STARD9: variants seen among roughly 807,000 people sequenced by gnomAD.
STARD9 encodes the protein StAR related lipid transfer domain containing 9, also known as stAR-related lipid transfer protein 9.
STARD9 carries 346 observed loss-of-function variants against 399.8 expected under a neutral mutation model. That is an observed-to-expected ratio of 0.87 (90% CI 0.79 to 0.95). STARD9 has a LOEUF of 0.95. Ranked by LOEUF, STARD9 falls within the 40% of genes least tolerant of loss-of-function variation. STARD9 has a pLI of 0.00. For synonymous variants in STARD9, 2,203 were observed against 2,143.5 expected, an observed-to-expected ratio of 1.03 and a Z score of -0.77; for missense variants, 5,832 against 5,667.5, an observed-to-expected ratio of 1.03 and a Z score of -0.93.
intron 3 of STARD9, among the ~76,000 whole-genome samples, chr15:42,618,777 A>G (rs1050700476): frequency 1.3e-5 from 2 of 149,620 alleles, no homozygotes; most frequent in African/African-American, 5.1e-5. Flanking sequence ...TTGTATTTTT[A>G]TTAGAGATGG....
chr15:42,657,240 G>A (rs1248754979), intron 9 of STARD9, among the ~76,000 whole-genome samples: 3 of 151,682 alleles, frequency 2.0e-5, no homozygotes, highest in Non-Finnish European at 4.4e-5. Flanking sequence ...AGCGCTTGTA[G>A]TCCCAGCTAC....
intron 3 of STARD9, among the ~76,000 whole-genome samples, chr15:42,627,519 A>G (rs896221195): frequency 6.6e-6 from 1 of 152,166 alleles, no homozygotes; most frequent in Admixed American, 6.6e-5. Flanking sequence ...TAATCACGTT[A>G]TGCTATCAAA....
intron 7 of STARD9, among the ~76,000 whole-genome samples, 154 bp downstream of exon 7, chr15:42,638,966 C>T (rs895759950): frequency 2.6e-5 from 4 of 152,170 alleles, no homozygotes; most frequent in South Asian, 2.1e-4. Flanking sequence ...ATAGAGAAGA[C>T]GTGGTCCTGC....
At chr15:42,586,418 T>C (rs573725502) in intron 3 of STARD9, among the ~76,000 whole-genome samples, 9 of 152,262 alleles carry the variant, frequency 5.9e-5, no homozygotes, top group African/African-American at 1.9e-4. Context: ...CTCGGTCAAG[T>C]TTCCAAGGCA....
rs2061395930 is a variant in STARD9, at chr15:42,718,674, C to T, written c.13843-78C>T. 4.0e-6 allele frequency: 6 copies of T among 1,489,904 alleles called. No homozygotes were observed. In the South Asian group the frequency reaches 6.1e-5, roughly 15 times the overall value. The allele number at this position is 1,489,904 out of a possible 1,614,324, so 92.3% of individuals were successfully genotyped here. A position where few individuals can be genotyped will look rare whatever the true frequency, so the allele number is the denominator to read the frequency against. ...AAGGCTGGCCCAGTGTTGCCTTTCACCATACTGTCTACACGGGAGCCTGTT... is the reference window on the plus strand; with the variant it reads ...AAGGCTGGCCCAGTGTTGCCTTTCATCATACTGTCTACACGGGAGCCTGTT... On this transcript the variant is annotated intron_variant, in intron 31 of 32. Transcript: ENST00000290607.
chr15:42,667,989 T>C (rs1309062812), intron 15 of STARD9, among the ~76,000 whole-genome samples: 2 of 152,244 alleles, frequency 1.3e-5, no homozygotes, highest in East Asian at 3.9e-4. Context: ...ATCATCCCTC[T>C]ATACTAAGAG....
intron 3 of STARD9, among the ~76,000 whole-genome samples, chr15:42,628,284 A>T (rs997688566): frequency 6.6e-6 from 1 of 151,982 alleles, no homozygotes; most frequent in Non-Finnish European, 1.5e-5. Flanking sequence ...GAATTTTTAG[A>T]TTTTTTATTG....
chr15:42,631,439 G>A (rs2059329433), intron 3 of STARD9, among the ~76,000 whole-genome samples: 1 of 152,046 alleles, frequency 6.6e-6, no homozygotes, highest in African/African-American at 2.4e-5. Flanking sequence ...AAAAAACCAG[G>A]CGTGGTGGTG....
Position 42,686,827 on chromosome 15 carries a change from C to T in STARD9, c.5249C>T (p.Thr1750Ile). 6.5e-7 allele frequency: 1 copy of T among 1,537,134 alleles called. No homozygotes were observed. Among genetic ancestry groups the T allele is most frequent in the Non-Finnish European group, 8.7e-7 (1 of 1,146,910 alleles). Reference sequence around the variant, plus strand: ...CCACTCTTGGAAACATTCTATGTGACCAAAAGCAGGGATGCCCTGACAGAA... The same window carrying T: ...CCACTCTTGGAAACATTCTATGTGATCAAAAGCAGGGATGCCCTGACAGAA... ...QPPLLETFYV[T>I]KSRDALTETA... The change falls in exon 23 of 33, where the codon ACC (threonine) becomes ATC (isoleucine). Residue 1750 changes from threonine to isoleucine, a missense_variant. This residue lies in a region of STARD9 where 5,828 missense variants were observed against 5,651.1 expected (regional missense o/e 1.03). Transcript: ENST00000290607.
Position 42,684,777 on chromosome 15 carries a change from C to G in STARD9, c.3199C>G (p.Pro1067Ala). ...GTCCTCTCACTTGCCTCTTGGCAGTCCTTTGAAGAGACAACAAAATACAAG... is the reference window on the plus strand; with the variant it reads ...GTCCTCTCACTTGCCTCTTGGCAGTGCTTTGAAGAGACAACAAAATACAAG... ...KKSSHLPLGS[P>A]LKRQQNTRDP... is the part of the protein sequence containing the mutation. Residue 1067 changes from proline to alanine, a missense_variant, in exon 23 of 33, where the codon CCT (proline) becomes GCT (alanine). Around this residue, in one of 2 missense-constraint regions of STARD9, gnomAD observed 5,828 missense variants for 5,651.1 expected, o/e 1.03. Transcript: ENST00000290607. 6.5e-7 allele frequency: 1 copy of G among 1,537,226 alleles called. No individual in the cohort carries two copies. The highest frequency in any genetic ancestry group is 1.2e-5 in the South Asian group (1 of 84,048).
chr15:42,682,328 C>G lies in STARD9; in HGVS notation c.2290C>G (p.Arg764Gly). Reference sequence around the variant, plus strand: ...TCTTCGGGCAGCAGAGCGGAATGTCCGGCGGAAAAAGGTCTCATTCCAGCT... The same window carrying G: ...TCTTCGGGCAGCAGAGCGGAATGTCGGGCGGAAAAAGGTCTCATTCCAGCT... ...HTLRAAERNV[R>G]RKKVSFQLER... The change falls in exon 22 of 33, where the codon CGG becomes GGG. Residue 764 changes from arginine (R) to glycine (G), a missense_variant. Arg to Gly is a moderately radical substitution (Grantham distance 125). Transcript: ENST00000290607. 1.3e-6 allele frequency: 2 copies of G among 1,537,214 alleles called. No homozygotes were observed. Among genetic ancestry groups the G allele is most frequent in the South Asian group, 1.2e-5 (1 of 84,052 alleles).
chr15:42,585,411 T>C, intron 2 of STARD9, 110 bp from the exon 3 acceptor site: 1 of 597,702 alleles, frequency 1.7e-6, no homozygotes, highest in African/African-American at 1.8e-5. Flanking sequence ...ATATAAACAG[T>C]CTCATGACCA....
At chr15:42,628,867 C>G (rs2059276542) in intron 3 of STARD9, among the ~76,000 whole-genome samples, 1 of 152,064 alleles carries the variant, frequency 6.6e-6, no homozygotes. Context: ...AATATGATTC[C>G]TTCAGTTTTG....
At position 42,675,743 on chromosome 15, in the gene STARD9, G is replaced by T. The variant is rs1426240852; in HGVS notation, c.1767G>T (p.Arg589Ser). The change falls in exon 19 of 33, where the codon AGG becomes AGT. Residue 589 changes from arginine to serine, a missense_variant. Around this residue, in one of 2 missense-constraint regions of STARD9, gnomAD observed 5,828 missense variants for 5,651.1 expected, o/e 1.03. Transcript: ENST00000290607. ...PAEAAVLRQR[R>S]QVGEAAAGRG... is the part of the protein sequence containing the mutation. ...AGGCTGCTGTCCTGCGGCAGCGAAG[G>T]CAGGTTAGCAGGGCTGTGTTTTCTA... The T allele has an allele frequency of 2.0e-6, 3 of 1,537,060 alleles. No homozygotes were observed. The highest frequency in any genetic ancestry group is 1.7e-4 in the Middle Eastern group (1 of 5,986).
At chr15:42,635,244 G>C (rs950168111) in intron 4 of STARD9, among the ~76,000 whole-genome samples, 7 of 139,460 alleles carry the variant, frequency 5.0e-5, no homozygotes, top group Non-Finnish European at 9.3e-5. Flanking sequence ...TGGGCAACAA[G>C]AGCAAAACTC....
At chr15:42,609,689 T>C (rs1296564802) in intron 3 of STARD9, among the ~76,000 whole-genome samples, 1 of 151,992 alleles carries the variant, frequency 6.6e-6, no homozygotes, top group Admixed American at 6.6e-5. Context: ...CTGCCTGCCT[T>C]GGCCTCCCAA....
In STARD9 at chr15:42,685,803, G is replaced by A; in HGVS notation, c.4225G>A (p.Ala1409Thr). 1 of 1,537,250 alleles carries A rather than the reference G, an allele frequency of 6.5e-7. No homozygotes were observed. Among genetic ancestry groups the A allele is most frequent in the East Asian group, 2.4e-5 (1 of 40,926 alleles). ...AGGCAGTACTGAGCTCCTCTGCAGT[G>A]CAAGAGATGAGCACACAGCCTCTGC... is the stretch of plus-strand genomic sequence containing the variant. Reference protein sequence around the residue: ...HQGSTELLCSARDEHTASAAD... With the variant: ...HQGSTELLCSTRDEHTASAAD... The change falls in exon 23 of 33, where the codon GCA becomes ACA. Residue 1409 changes from alanine (A) to threonine (T), a missense_variant. This residue lies in a region of STARD9 where 5,828 missense variants were observed against 5,651.1 expected (regional missense o/e 1.03). Coordinates refer to ENST00000290607, the MANE Select transcript of STARD9 (RefSeq NM_020759.3).
chr15:42,587,851 C>T (rs1471591310), intron 3 of STARD9, among the ~76,000 whole-genome samples: 1 of 152,156 alleles, frequency 6.6e-6, no homozygotes, highest in Non-Finnish European at 1.5e-5. Flanking sequence ...AGGCATGAGT[C>T]ACCATGCCAG....
chr15:42,641,351 G>T (rs1018922371), intron 7 of STARD9, among the ~76,000 whole-genome samples: 2 of 152,122 alleles, frequency 1.3e-5, no homozygotes, highest in African/African-American at 4.8e-5. Context: ...AATACAGGTG[G>T]ACATTTCGTT....
Sources: allele counts gnomAD v4.1 joint callset (sites outside exome capture counted in the v4.1 genomes callset), GRCh38; gene constraint gnomAD v4.1.1; regional missense constraint gnomAD v4.1.1; transcripts MANE v1.5; gene names NCBI Gene and HGNC (gene_info 2026-07-23, HGNC 2026-07-21).